The following MAF variants were observed in gnomAD, a reference collection of about 807,000 sequenced individuals.
MAF encodes transcription factor Maf.
MAF carries 10 observed loss-of-function variants against 22.0 expected under a neutral mutation model. That is an observed-to-expected ratio of 0.45 (90% CI 0.28 to 0.77). The LOEUF (loss-of-function observed/expected upper bound fraction) is 0.77, where lower values mean the gene tolerates loss of function less well. Ranked by LOEUF, MAF falls within the 30% of genes least tolerant of loss-of-function variation. The pLI, the probability that MAF is intolerant of heterozygous loss-of-function variation, is 0.12. For missense variants in MAF, 544 were observed against 548.4 expected, an observed-to-expected ratio of 0.99 and a Z score of 0.08; for synonymous variants, 337 against 255.8, an observed-to-expected ratio of 1.32 and a Z score of -3.03.
the MAF span, among the ~76,000 whole-genome samples, chr16:79,337,579 A>AAAACAAAACT: frequency 6.6e-6 from 1 of 151,964 alleles, no homozygotes; most frequent in Non-Finnish European, 1.5e-5. Context: ...AAAACAAAAC[A>AAAACAAAACT]AAACACAAAG....
chr16:79,228,489 AG>A, the MAF span, among the ~76,000 whole-genome samples: 2 of 152,040 alleles, frequency 1.3e-5, no homozygotes, highest in African/African-American at 4.8e-5. Flanking sequence ...AGCTTTGGAT[AG>A]GAAAGCTTCA....
the MAF span, among the ~76,000 whole-genome samples, chr16:79,397,597 A>G: frequency 6.6e-6 from 1 of 152,222 alleles, no homozygotes; most frequent in African/African-American, 2.4e-5. Flanking sequence ...GGCTGGATGT[A>G]ACCGGCTGGT....
At chr16:79,418,405 C>G in the MAF span, among the ~76,000 whole-genome samples, 2 of 151,874 alleles carry the variant, frequency 1.3e-5, no homozygotes, top group African/African-American at 4.8e-5. Context: ...GGGCTGGGGA[C>G]GATTATTCAC....
the MAF span, among the ~76,000 whole-genome samples, chr16:79,301,147 A>C: frequency 6.6e-6 from 1 of 152,286 alleles, no homozygotes; most frequent in South Asian, 2.1e-4. Context: ...CACGAGAAAC[A>C]AGTCGGGTCC....
At chr16:79,272,869 A>G in the MAF span, among the ~76,000 whole-genome samples, 1 of 152,080 alleles carries the variant, frequency 6.6e-6, no homozygotes, top group Non-Finnish European at 1.5e-5. Context: ...AACTCCTAAC[A>G]ATTGGCTTTT....
chr16:79,513,504 T>C, the MAF span, among the ~76,000 whole-genome samples: 9 of 152,312 alleles, frequency 5.9e-5, no homozygotes, highest in African/African-American at 2.2e-4. Context: ...TGGAAGTAAC[T>C]GTGCAGTTGA....
the MAF span, among the ~76,000 whole-genome samples, chr16:79,515,729 G>C: frequency 2.6e-5 from 4 of 152,130 alleles, no homozygotes; most frequent in African/African-American, 7.2e-5. Context: ...ATGAACGTGA[G>C]ACCTGCCTTG....
chr16:79,570,468 A>G, the MAF span, among the ~76,000 whole-genome samples: 2 of 152,086 alleles, frequency 1.3e-5, no homozygotes, highest in East Asian at 3.8e-4. Flanking sequence ...ATTTTCCAAG[A>G]TCTTTCTTTG....
downstream of MAF, among the ~76,000 whole-genome samples, chr16:79,591,731 A>G (rs1390119995): frequency 6.6e-6 from 1 of 152,178 alleles, no homozygotes; most frequent in Non-Finnish European, 1.5e-5. Flanking sequence ...CGGAAAACAC[A>G]CAGAGGGCCT....
the MAF span, among the ~76,000 whole-genome samples, chr16:79,298,137 C>G: frequency 6.6e-6 from 1 of 152,240 alleles, no homozygotes; most frequent in South Asian, 2.1e-4. Context: ...ACTGATGAAG[C>G]CAGCTCAGGC....
chr16:79,531,926 C>G, the MAF span, among the ~76,000 whole-genome samples: 7 of 152,010 alleles, frequency 4.6e-5, no homozygotes, highest in Non-Finnish European at 1.0e-4. Context: ...GCTTAGTGGT[C>G]CAAAGCGGGG....
the MAF span, among the ~76,000 whole-genome samples, chr16:79,411,056 C>T: frequency 3.0e-3 from 461 of 152,326 alleles, 2 homozygotes; most frequent in African/African-American, 0.011. Flanking sequence ...CTGAGTACTG[C>T]CTTCTGCAGA....
the MAF span, among the ~76,000 whole-genome samples, chr16:79,549,518 G>T: frequency 1.3e-5 from 2 of 152,194 alleles, no homozygotes; most frequent in African/African-American, 4.8e-5. Context: ...TGTGGTTTCA[G>T]CAAGAGACTG....
the MAF span, among the ~76,000 whole-genome samples, chr16:79,298,541 G>A: frequency 1.3e-5 from 2 of 152,208 alleles, no homozygotes; most frequent in African/African-American, 4.8e-5. Context: ...AGTTTGAAGG[G>A]TGCCAATCAC....
At chr16:79,294,062 C>T in the MAF span, among the ~76,000 whole-genome samples, 1 of 152,164 alleles carries the variant, frequency 6.6e-6, no homozygotes, top group African/African-American at 2.4e-5. Context: ...AATTAAGATT[C>T]CATCACAATC....
At chr16:79,549,066 G>A in the MAF span, among the ~76,000 whole-genome samples, 2 of 152,096 alleles carry the variant, frequency 1.3e-5, no homozygotes, top group Admixed American at 6.5e-5. Flanking sequence ...TGTAAAACAA[G>A]GATATCATTA....
the MAF span, among the ~76,000 whole-genome samples, chr16:79,397,340 T>C: frequency 1.3e-5 from 2 of 152,216 alleles, no homozygotes; most frequent in Admixed American, 1.3e-4. Flanking sequence ...TGCTTTGTTC[T>C]TTAAATAGTG....
chr16:79,347,751 C>G, the MAF span, among the ~76,000 whole-genome samples: 1 of 152,122 alleles, frequency 6.6e-6, no homozygotes, highest in Non-Finnish European at 1.5e-5. Context: ...CAACCCGGGC[C>G]AAGAGCTCAG....
the MAF span, among the ~76,000 whole-genome samples, chr16:79,478,866 C>T: frequency 6.6e-6 from 1 of 151,778 alleles, no homozygotes; most frequent in African/African-American, 2.4e-5. Context: ...ACCAGCATAC[C>T]TATATACCAT....
Sources: allele counts gnomAD v4.1 joint callset (sites outside exome capture counted in the v4.1 genomes callset), GRCh38; gene constraint gnomAD v4.1.1; transcripts MANE v1.5; gene names NCBI Gene and HGNC (gene_info 2026-07-23, HGNC 2026-07-21).